NRG4: variants seen among roughly 807,000 people sequenced by gnomAD.
NRG4 encodes neuregulin 4.
NRG4 carries 10 observed loss-of-function variants against 15.0 expected under a neutral mutation model. The observed-to-expected ratio is 0.67, with a 90% CI of 0.41 to 1.13. NRG4 has a LOEUF of 1.13. Among genes scored for constraint, NRG4 ranks in the 50% most tolerant of loss-of-function variants. The probability of loss-of-function intolerance (pLI) is 0.00; values close to 1 mark genes in which losing one functional copy is unlikely to be tolerated. For missense variants in NRG4, 139 were observed against 140.2 expected (o/e 0.99, Z 0.04); for synonymous variants, 41 against 50.1 (o/e 0.82, Z 0.77).
intron 3 of NRG4, among the ~76,000 whole-genome samples, chr15:75,962,262 T>G (rs2032557630): frequency 6.6e-6 from 1 of 152,222 alleles, no homozygotes; most frequent in Non-Finnish European, 1.5e-5. Flanking sequence ...TTGTAGATTT[T>G]CAATCATATA....
At chr15:75,967,753 T>C (rs1008601270) in intron 3 of NRG4, among the ~76,000 whole-genome samples, 2 of 152,066 alleles carry the variant, frequency 1.3e-5, no homozygotes, top group Admixed American at 1.3e-4. Context: ...TGAGCCAACG[T>C]GCCTGGCCGC....
At chr15:75,965,728 T>C (rs2032762216) in intron 3 of NRG4, among the ~76,000 whole-genome samples, 1 of 152,216 alleles carries the variant, frequency 6.6e-6, no homozygotes, top group African/African-American at 2.4e-5. Context: ...GATGATACAA[T>C]TATCAAATTT....
intron 5 of NRG4, among the ~76,000 whole-genome samples, chr15:76,026,492 A>G (rs150632001): frequency 2.3e-3 from 348 of 152,330 alleles, no homozygotes; most frequent in Non-Finnish European, 3.5e-3. Flanking sequence ...CCAAGCAAGA[A>G]CTAAGGGAAT....
At chr15:76,010,441 A>T (rs895259602) in intron 2 of NRG4, among the ~76,000 whole-genome samples, 3 of 152,128 alleles carry the variant, frequency 2.0e-5, no homozygotes, top group African/African-American at 7.2e-5. Flanking sequence ...TTGCTAAGAT[A>T]TAATTGCTAT....
intron 3 of NRG4, 138 bp from the exon 4 acceptor site, chr15:75,962,112 TATA>T: frequency 1.8e-6 from 1 of 570,220 alleles, no homozygotes; most frequent in East Asian, 2.9e-5. Flanking sequence ...CAGGTTTTCC[TATA>T]ATGCTCACAG....
chr15:76,002,707 C>G (rs2034456864), intron 3 of NRG4, among the ~76,000 whole-genome samples: 1 of 152,056 alleles, frequency 6.6e-6, no homozygotes, highest in Non-Finnish European at 1.5e-5. Context: ...GTAGACATTA[C>G]AGCAAGAAGT....
intron 5 of NRG4, chr15:75,950,529 C>A: frequency 8.4e-6 from 2 of 238,100 alleles, no homozygotes. Flanking sequence ...CATCCCCCAG[C>A]TCCAGGTCAT....
intron 3 of NRG4, among the ~76,000 whole-genome samples, chr15:75,997,450 C>A (rs2034256589): frequency 6.6e-6 from 1 of 151,700 alleles, no homozygotes; most frequent in Non-Finnish European, 1.5e-5. Flanking sequence ...TTATTAAATT[C>A]TATGATATAT....
intron 2 of NRG4, among the ~76,000 whole-genome samples, chr15:76,056,366 G>A (rs2036151058): frequency 6.6e-6 from 1 of 152,152 alleles, no homozygotes; most frequent in Admixed American, 6.5e-5. Flanking sequence ...GCTGAGGCAG[G>A]AGAATTGCTT....
chr15:75,990,656 C>T (rs923088259), intron 3 of NRG4, among the ~76,000 whole-genome samples: 8 of 146,678 alleles, frequency 5.5e-5, no homozygotes, highest in Non-Finnish European at 1.2e-4. Flanking sequence ...AATTTTCTTA[C>T]TGTAGTTGGT....
At chr15:75,943,793 C>A in intron 5 of NRG4, 139 bp from the exon 6 acceptor site, 1 of 591,122 alleles carries the variant, frequency 1.7e-6, no homozygotes, top group South Asian at 2.3e-5. Context: ...TTGAGGTAAA[C>A]TAACCTAGAA....
intron 3 of NRG4, among the ~76,000 whole-genome samples, chr15:75,995,717 A>G (rs2034189122): frequency 1.3e-5 from 2 of 152,250 alleles, no homozygotes; most frequent in African/African-American, 4.8e-5. Context: ...TCAGAGTAGA[A>G]TAAAGCAAAG....
intron 3 of NRG4, among the ~76,000 whole-genome samples, chr15:76,001,820 G>T (rs952726519): frequency 2.0e-5 from 3 of 152,136 alleles, no homozygotes; most frequent in Non-Finnish European, 4.4e-5. Context: ...TGAAAAATGT[G>T]AACATATTAT....
chr15:75,953,838 C>T (rs989617099), intron 5 of NRG4, among the ~76,000 whole-genome samples: 1 of 152,132 alleles, frequency 6.6e-6, no homozygotes, highest in Non-Finnish European at 1.5e-5. Flanking sequence ...AGATATGCAC[C>T]ATCATGCCCA....
chr15:75,978,724 T>C (rs2033474505), intron 3 of NRG4, among the ~76,000 whole-genome samples: 1 of 152,230 alleles, frequency 6.6e-6, no homozygotes, highest in Non-Finnish European at 1.5e-5. Flanking sequence ...TTTCTGATAA[T>C]AGTTGTGTTA....
At chr15:76,059,728 C>A in exon 1 of NRG4, 1 of 151,452 alleles carries the variant, frequency 6.6e-6, no homozygotes, top group South Asian at 2.1e-4. Context: ...CTGCCCAGCT[C>A]AGGCCGCCAG....
chr15:76,004,352 G>A (rs1019569774), intron 3 of NRG4, among the ~76,000 whole-genome samples: 48 of 152,154 alleles, frequency 3.2e-4, no homozygotes, highest in Non-Finnish European at 1.0e-4. Context: ...TGTAATCCCA[G>A]CACTTTGGGG....
At chr15:75,979,741 T>A (rs1157839062) in intron 3 of NRG4, among the ~76,000 whole-genome samples, 1 of 152,220 alleles carries the variant, frequency 6.6e-6, no homozygotes, top group African/African-American at 2.4e-5. Flanking sequence ...TACTGTATTT[T>A]AATGTTTAGT....
intron 5 of NRG4, among the ~76,000 whole-genome samples, chr15:75,948,938 A>T (rs2141777254): frequency 6.6e-6 from 1 of 152,178 alleles, no homozygotes; most frequent in East Asian, 1.9e-4. Context: ...GTAGTCTCAA[A>T]TACTTGGAAG....
Sources: allele counts gnomAD v4.1 joint callset (sites outside exome capture counted in the v4.1 genomes callset), GRCh38; gene constraint gnomAD v4.1.1; transcripts MANE v1.5; gene names NCBI Gene and HGNC (gene_info 2026-07-23, HGNC 2026-07-21).